RBMS1: variants seen among roughly 807,000 people sequenced by gnomAD.
The protein encoded by RBMS1 is RNA-binding motif, single-stranded-interacting protein 1.
Under a neutral mutation model 62.3 loss-of-function variants are expected in RBMS1, and 17 were observed. That is an observed-to-expected ratio of 0.27 (90% CI 0.19 to 0.41). RBMS1 has a LOEUF of 0.41. RBMS1 is among the 10% of genes least tolerant of loss of function. RBMS1 has a pLI of 1.00. For synonymous variants in RBMS1, 172 were observed against 170.0 expected, an observed-to-expected ratio of 1.01 and a Z score of -0.09; for missense variants, 334 against 504.5, an observed-to-expected ratio of 0.66 and a Z score of 3.24.
chr2:160,357,151 G>C (rs1465905097), intron 2 of RBMS1, among the ~76,000 whole-genome samples: 1 of 151,982 alleles, frequency 6.6e-6, no homozygotes, highest in African/African-American at 2.4e-5. Flanking sequence ...GAAATCCAAG[G>C]CTCATATAAA....
At chr2:160,426,218 G>GAAAAAGA (rs71408120) in intron 1 of RBMS1, among the ~76,000 whole-genome samples, 1 of 48,676 alleles carries the variant, frequency 2.1e-5, no homozygotes, top group African/African-American at 7.7e-5. Context: ...GAGAGAGACA[G>GAAAAAGA]AAGAAAGAAA....
At chr2:160,288,438 A>G (rs963654348) in intron 6 of RBMS1, among the ~76,000 whole-genome samples, 1 of 152,178 alleles carries the variant, frequency 6.6e-6, no homozygotes, top group African/African-American at 2.4e-5. Context: ...ACAAAACAAA[A>G]GAAAACAAAA....
At chr2:160,383,616 C>T (rs920842773) in intron 1 of RBMS1, among the ~76,000 whole-genome samples, 3 of 152,142 alleles carry the variant, frequency 2.0e-5, no homozygotes, top group African/African-American at 7.2e-5. Flanking sequence ...TATCTATCAT[C>T]TCAAACCTCT....
intron 1 of RBMS1, among the ~76,000 whole-genome samples, chr2:160,402,674 T>C (rs1695500279): frequency 6.6e-6 from 1 of 152,168 alleles, no homozygotes; most frequent in Non-Finnish European, 1.5e-5. Context: ...GGAGGCCAAG[T>C]AAAGGGAAGT....
chr2:160,297,104 A>C (rs1263891152), intron 6 of RBMS1, among the ~76,000 whole-genome samples: 1 of 152,224 alleles, frequency 6.6e-6, no homozygotes, highest in Non-Finnish European at 1.5e-5. Flanking sequence ...ACATGGACCT[A>C]AGGCTCAAAG....
At chr2:160,406,060 T>C (rs1695687532) in intron 1 of RBMS1, among the ~76,000 whole-genome samples, 1 of 152,206 alleles carries the variant, frequency 6.6e-6, no homozygotes, top group Non-Finnish European at 1.5e-5. Context: ...TTGACTATCT[T>C]AGCATATCCT....
intron 1 of RBMS1, among the ~76,000 whole-genome samples, chr2:160,418,560 G>A (rs4286238): frequency 0.097 from 14,736 of 152,124 alleles, 989 homozygotes; most frequent in East Asian, 0.25. Flanking sequence ...TTGGAACAAC[G>A]ACTATTAGTA....
chr2:160,278,435 G>A (rs1025188235), intron 11 of RBMS1, 113 bp downstream of exon 11: 2 of 841,312 alleles, frequency 2.4e-6, no homozygotes, highest in African/African-American at 1.7e-5. Context: ...GGAAGAGAGG[G>A]GATTAGACAT....
intron 1 of RBMS1, among the ~76,000 whole-genome samples, chr2:160,404,957 G>A (rs1242924671): frequency 1.3e-5 from 2 of 152,212 alleles, no homozygotes; most frequent in African/African-American, 4.8e-5. Flanking sequence ...GGAAGGGAGT[G>A]ATTGTCAGGG....
chr2:160,331,519 T>C (rs1691272279), intron 2 of RBMS1, among the ~76,000 whole-genome samples: 1 of 152,186 alleles, frequency 6.6e-6, no homozygotes, highest in Admixed American at 6.5e-5. Flanking sequence ...GGACTGTGTG[T>C]TTTCCTCCTC....
At chr2:160,388,387 A>G (rs1183109570) in intron 1 of RBMS1, among the ~76,000 whole-genome samples, 3 of 152,134 alleles carry the variant, frequency 2.0e-5, no homozygotes, top group South Asian at 2.1e-4. Context: ...TACATTTTTA[A>G]TGAGCACCCC....
chr2:160,477,345 T>C (rs1685187151), intron 1 of RBMS1, among the ~76,000 whole-genome samples: 1 of 152,152 alleles, frequency 6.6e-6, no homozygotes, highest in African/African-American at 2.4e-5. Context: ...AGACTCTGTT[T>C]CAACAACAAC....
chr2:160,416,333 T>C lies in RBMS1; in HGVS notation c.76-48942A>G, dbSNP rs576963996. Among the ~76,000 whole-genome samples the C allele has an allele frequency of 2.2e-4, 33 of 152,048 alleles. 3 individuals are homozygous for C. The South Asian group carries it at 6.5e-3, about 30-fold the overall frequency. ...CCTCCCAATCTAATGTTTGATCTAG[T>C]GGCAAATACAATGTTTCAAACAAGT... On this transcript the variant is annotated intron_variant, in intron 1 of 13. Coordinates refer to ENST00000348849, the MANE Select transcript of RBMS1 (RefSeq NM_016836.4).
intron 1 of RBMS1, among the ~76,000 whole-genome samples, chr2:160,397,314 C>A (rs1346473590): frequency 1.3e-5 from 2 of 152,080 alleles, no homozygotes; most frequent in African/African-American, 4.8e-5. Context: ...CGCCTCCTTA[C>A]TGAATCCTAA....
chr2:160,400,046 C>T (rs1200953763), intron 1 of RBMS1, among the ~76,000 whole-genome samples: 3 of 152,162 alleles, frequency 2.0e-5, no homozygotes, highest in Non-Finnish European at 4.4e-5. Flanking sequence ...CTTCAGCACT[C>T]CCTGCTCCTC....
chr2:160,407,253 T>A (rs1695779309), intron 1 of RBMS1, among the ~76,000 whole-genome samples: 2 of 151,900 alleles, frequency 1.3e-5, no homozygotes, highest in Admixed American at 1.3e-4. Context: ...TGCCCCTTCC[T>A]CCACTTCCCA....
chr2:160,398,223 T>C (rs1289700708), intron 1 of RBMS1, among the ~76,000 whole-genome samples: 1 of 152,216 alleles, frequency 6.6e-6, no homozygotes, highest in Non-Finnish European at 1.5e-5. Context: ...TCTAAACCAC[T>C]CACCACTATA....
chr2:160,446,765 C>T (rs948457154), intron 1 of RBMS1, among the ~76,000 whole-genome samples: 1 of 152,218 alleles, frequency 6.6e-6, no homozygotes, highest in Non-Finnish European at 1.5e-5. Context: ...CTCCCCATTC[C>T]TCGGACTGCT....
chr2:160,324,907 T>TATATATATAC (rs1321182985), intron 2 of RBMS1, among the ~76,000 whole-genome samples: 148 of 106,730 alleles, frequency 1.4e-3, no homozygotes, highest in African/African-American at 5.3e-3. Context: ...TATATATATA[T>TATATATATAC]ACACACACAC....
Sources: allele counts gnomAD v4.1 joint callset (sites outside exome capture counted in the v4.1 genomes callset), GRCh38; gene constraint gnomAD v4.1.1; transcripts MANE v1.5; gene names NCBI Gene and HGNC (gene_info 2026-07-23, HGNC 2026-07-21).